DNAJC6: variants seen among roughly 807,000 people sequenced by gnomAD.
The protein encoded by DNAJC6 is auxilin.
DNAJC6 carries 34 observed loss-of-function variants against 110.0 expected under a neutral mutation model. The ratio of observed to expected loss-of-function variants is 0.31; its 90% CI spans 0.24 to 0.41. The LOEUF (loss-of-function observed/expected upper bound fraction) is 0.41, where lower values mean the gene tolerates loss of function less well. Among genes scored for constraint, DNAJC6 ranks in the 10% least tolerant of loss-of-function variants. DNAJC6 has a pLI of 1.00. For synonymous variants in DNAJC6, 406 were observed against 437.2 expected (o/e 0.93, Z 0.89); for missense variants, 1,031 against 1,207.8 (o/e 0.85, Z 2.17).
chr1:65,396,256 T>C (rs1645976135), intron 13 of DNAJC6, among the ~76,000 whole-genome samples: 1 of 152,210 alleles, frequency 6.6e-6, no homozygotes, highest in Non-Finnish European at 1.5e-5. Context: ...TGACTACCTG[T>C]AGGAGAAAAG....
intron 1 of DNAJC6, among the ~76,000 whole-genome samples, chr1:65,362,028 A>G (rs1645602799): frequency 6.6e-6 from 1 of 152,224 alleles, no homozygotes; most frequent in Non-Finnish European, 1.5e-5. Context: ...GAAATCTTGG[A>G]AAATAATATT....
intron 13 of DNAJC6, among the ~76,000 whole-genome samples, chr1:65,398,395 G>C (rs1287793616): frequency 6.6e-6 from 1 of 152,160 alleles, no homozygotes; most frequent in Non-Finnish European, 1.5e-5. Context: ...TGAGCTTAAG[G>C]TGTTTTCCCC....
At chr1:65,389,774 A>C (rs770328333) in intron 11 of DNAJC6, 147 bp downstream of exon 11, 36 of 856,154 alleles carry the variant, frequency 4.2e-5, no homozygotes, top group Non-Finnish European at 6.1e-5. Flanking sequence ...TAAGCCCAGC[A>C]CTTTGGAAGG....
At chr1:65,312,011 T>C (rs1317755597) in intron 1 of DNAJC6, among the ~76,000 whole-genome samples, 2 of 152,168 alleles carry the variant, frequency 1.3e-5, no homozygotes, top group Non-Finnish European at 2.9e-5. Context: ...TTGAGGATTG[T>C]CTTTTTCACT....
intron 1 of DNAJC6, among the ~76,000 whole-genome samples, chr1:65,349,605 A>C (rs1332582471): frequency 1.3e-5 from 2 of 152,052 alleles, no homozygotes; most frequent in Admixed American, 1.3e-4. Context: ...ATTTTTTTCT[A>C]TCAGCACTCT....
At chr1:65,340,036 G>T (rs1180029999) in intron 1 of DNAJC6, among the ~76,000 whole-genome samples, 1 of 152,216 alleles carries the variant, frequency 6.6e-6, no homozygotes, top group Admixed American at 6.5e-5. Context: ...GTCACCCAGA[G>T]TTCATGGGAC....
intron 1 of DNAJC6, among the ~76,000 whole-genome samples, chr1:65,273,245 G>A (rs937251293): frequency 1.0e-4 from 15 of 150,392 alleles, no homozygotes; most frequent in African/African-American, 3.8e-4. Flanking sequence ...GAGATAGAAG[G>A]TATCTTTGAT....
intron 1 of DNAJC6, among the ~76,000 whole-genome samples, chr1:65,336,292 G>A (rs1388995779): frequency 1.3e-5 from 2 of 152,028 alleles, no homozygotes; most frequent in African/African-American, 2.4e-5. Flanking sequence ...CCACTATCAC[G>A]AGAACAGGAG....
chr1:65,386,708 G>A, intron 7 of DNAJC6, 104 bp from the exon 8 acceptor site: 1 of 1,002,082 alleles, frequency 1.0e-6, no homozygotes, highest in Non-Finnish European at 1.5e-6. Flanking sequence ...CCGGGCCTGG[G>A]CGAACAGTCC....
At chr1:65,288,775 A>G (rs1031160875) in intron 1 of DNAJC6, among the ~76,000 whole-genome samples, 6 of 152,186 alleles carry the variant, frequency 3.9e-5, no homozygotes, top group Admixed American at 2.6e-4. Context: ...ATCATTTAGT[A>G]TATGATCTTT....
At chr1:65,343,073 T>G (rs1645404407) in intron 1 of DNAJC6, among the ~76,000 whole-genome samples, 1 of 152,210 alleles carries the variant, frequency 6.6e-6, no homozygotes, top group Admixed American at 6.5e-5. Context: ...TGAGCATCAT[T>G]CACCTTTGCG....
At chr1:65,410,218 C>G (rs1646115609) in intron 17 of DNAJC6, among the ~76,000 whole-genome samples, 1 of 152,234 alleles carries the variant, frequency 6.6e-6, no homozygotes, top group Non-Finnish European at 1.5e-5. Context: ...GCAAGTCAAT[C>G]TTAACACATT....
chr1:65,303,219 T>C (rs1645005855), intron 1 of DNAJC6, among the ~76,000 whole-genome samples: 1 of 152,202 alleles, frequency 6.6e-6, no homozygotes, highest in African/African-American at 2.4e-5. Context: ...TGAACACCTA[T>C]TACTTGGCAG....
intron 1 of DNAJC6, among the ~76,000 whole-genome samples, chr1:65,266,372 C>A (rs927271256): frequency 6.6e-6 from 1 of 152,124 alleles, no homozygotes; most frequent in Admixed American, 6.5e-5. Flanking sequence ...ATCCCACTTT[C>A]CATAATTGAG....
At chr1:65,300,109 CCA>C (rs1299431772) in intron 1 of DNAJC6, among the ~76,000 whole-genome samples, 2 of 151,596 alleles carry the variant, frequency 1.3e-5, no homozygotes, top group East Asian at 3.9e-4. Context: ...AGGTTGTACC[CCA>C]GTTAGTTTGG....
At chr1:65,311,425 A>G (rs934372461) in intron 1 of DNAJC6, among the ~76,000 whole-genome samples, 6 of 152,000 alleles carry the variant, frequency 3.9e-5, no homozygotes, top group Non-Finnish European at 7.4e-5. Flanking sequence ...GGGTTTTGCC[A>G]TGTTGGCCGG....
chr1:65,289,558 A>G (rs1654131172), intron 1 of DNAJC6, among the ~76,000 whole-genome samples: 1 of 152,170 alleles, frequency 6.6e-6, no homozygotes, highest in Non-Finnish European at 1.5e-5. Context: ...TTGAATTTTC[A>G]TGATGACTGT....
At chr1:65,409,662 G>A (rs183059076) in intron 17 of DNAJC6, among the ~76,000 whole-genome samples, 2 of 152,262 alleles carry the variant, frequency 1.3e-5, no homozygotes, top group East Asian at 3.9e-4. Context: ...ACCAATTCCT[G>A]CAACATTAGA....
In DNAJC6 at chr1:65,301,104, A is replaced by G. The variant is rs572705502; in HGVS notation, c.-131+36172A>G. ...ATAAAAATTTCCAGTGTTTTCTTCA[A>G]GACTGAGAGAAGTCGATCACAGAAC... On this transcript the variant is annotated intron_variant, in intron 1 of 19. Coordinates refer to the DNAJC6 transcript ENST00000263441. Among the ~76,000 whole-genome samples, 4 of 152,332 alleles carry G rather than the reference A, an allele frequency of 2.6e-5. No homozygotes were observed. In the South Asian group the frequency reaches 8.3e-4, roughly 32 times the overall value.
Sources: gnomAD v4.1 joint callset for allele counts (sites outside exome capture counted in the v4.1 genomes callset) on GRCh38, gnomAD v4.1.1 for gene constraint, MANE v1.5 for transcripts, NCBI Gene and HGNC (gene_info 2026-07-23, HGNC 2026-07-21) for gene names.